Variants in MSI2 observed in about 807,000 individuals in gnomAD.
The protein encoded by MSI2 is musashi RNA binding protein 2.
A neutral mutation model predicts 45.6 loss-of-function variants in MSI2; 17 were observed. The observed-to-expected ratio is 0.37, with a 90% confidence interval of 0.26 to 0.56. MSI2 has a LOEUF of 0.56. Among genes scored for constraint, MSI2 ranks in the 20% least tolerant of loss-of-function variants. MSI2 has a pLI of 0.77. For synonymous variants in MSI2, 156 were observed against 158.2 expected (o/e 0.99, Z 0.11); for missense variants, 293 against 444.2 (o/e 0.66, Z 3.06).
chr17:57,535,845 A>G (rs369562610), intron 7 of MSI2, among the ~76,000 whole-genome samples: 16 of 152,330 alleles, frequency 1.1e-4, no homozygotes, highest in African/African-American at 3.8e-4. Context: ...AGCTGGCCAA[A>G]GTTTAAGGTC....
At chr17:57,660,552 G>A (rs1454848035) in intron 11 of MSI2, among the ~76,000 whole-genome samples, 4 of 152,210 alleles carry the variant, frequency 2.6e-5, no homozygotes, top group Non-Finnish European at 5.9e-5. Context: ...CCAACCTAGT[G>A]TGGAAACTAA....
chr17:57,589,660 C>T (rs765455979), intron 7 of MSI2, among the ~76,000 whole-genome samples: 1 of 152,242 alleles, frequency 6.6e-6, no homozygotes, highest in African/African-American at 2.4e-5. Flanking sequence ...CTCTCATGCT[C>T]TCTGAGCCAT....
intron 5 of MSI2, among the ~76,000 whole-genome samples, chr17:57,376,144 A>T (rs1487111091): frequency 1.3e-5 from 2 of 152,152 alleles, no homozygotes; most frequent in Admixed American, 1.3e-4. Flanking sequence ...TGTTTGAACA[A>T]GTGGTGGGTG....
chr17:57,424,126 C>A (rs1383021094), intron 6 of MSI2, among the ~76,000 whole-genome samples: 1 of 152,194 alleles, frequency 6.6e-6, no homozygotes, highest in Non-Finnish European at 1.5e-5. Flanking sequence ...ACCCTGAACT[C>A]TCCGAATGTT....
At position 57,660,028 on chromosome 17, in the gene MSI2, G is replaced by C. The variant is rs919428953; in HGVS notation, c.790+7867G>C. Among the ~76,000 whole-genome samples, 93 of 152,300 alleles carry C rather than the reference G, an allele frequency of 6.1e-4. 1 individual carries two copies. Among genetic ancestry groups the C allele is most frequent in the African/African-American group, 2.1e-3 (89 of 41,558 alleles). ...TCCCAACTCTGATTAAACACTATAG[G>C]TTAATGTTACAGGGAATTAAATATT... On this transcript the variant is annotated intron_variant, in intron 11 of 13. Coordinates refer to ENST00000284073, the MANE Select transcript of MSI2 (RefSeq NM_138962.4).
chr17:57,276,853 C>CTTGG, intron 5 of MSI2, among the ~76,000 whole-genome samples: 1 of 151,986 alleles, frequency 6.6e-6, no homozygotes, highest in Non-Finnish European at 1.5e-5. Context: ...CTCAAGGTTT[C>CTTGG]CTGGCTCCCA....
rs187703720 is a variant in MSI2 at position 57,683,016 on chromosome 17, C to G, written c.*3499C>G. The G allele has an allele frequency of 1.3e-5, 3 of 229,826 alleles. No homozygotes were observed. The Admixed American group carries it at 1.7e-4, about 13-fold the overall frequency. The allele number at this position is 229,826 out of a possible 1,614,324, so 14.2% of individuals were successfully genotyped here. ...CACTGGGAACAAACAGCCTCGCGCT[C>G]TATACCAAACAGCCTCGCGCTCTAT... On this transcript the variant is annotated 3_prime_UTR_variant, in exon 14 of 14. Coordinates refer to ENST00000284073, the MANE Select transcript of MSI2 (RefSeq NM_138962.4). The surrounding 1 kb of genome is among the most constrained non-coding windows in gnomAD (Gnocchi z 5.2).
At chr17:57,631,575 C>A in intron 10 of MSI2, 1 of 547,056 alleles carries the variant, frequency 1.8e-6, no homozygotes, top group East Asian at 3.0e-5. Context: ...GGGAGTAGTT[C>A]TTTTCTAGAA....
rs979655920 is a variant in MSI2, at chr17:57,267,207, G to C, written c.312+5015G>C. ...TTCTCGTTCCCAGCGAGGATGTGGT[G>C]GTGTGTCTGCAGCCCTTTTCCACAG... On this transcript the variant is annotated intron_variant, in intron 5 of 13. Coordinates refer to ENST00000284073, the MANE Select transcript of MSI2 (RefSeq NM_138962.4). 2.8e-4 allele frequency: 42 copies of C among 152,340 alleles called. 1 individual carries two copies. Among genetic ancestry groups the C allele is most frequent in the African/African-American group, 9.7e-4 (40 of 41,448 alleles). The allele number at this position is 152,340 out of a possible 1,614,324, so 9.4% of individuals were successfully genotyped here.
At chr17:57,486,767 A>G (rs2085762316) in intron 6 of MSI2, among the ~76,000 whole-genome samples, 1 of 151,902 alleles carries the variant, frequency 6.6e-6, no homozygotes, top group African/African-American at 2.4e-5. Flanking sequence ...TTTTATCTGC[A>G]CTCCTTAGAC....
At chr17:57,447,882 GA>G (rs1190841351) in intron 6 of MSI2, among the ~76,000 whole-genome samples, 1 of 152,170 alleles carries the variant, frequency 6.6e-6, no homozygotes, top group African/African-American at 2.4e-5. Flanking sequence ...AAGGAGTGGG[GA>G]TAGAGATGAG....
chr17:57,507,225 C>CTGTGTGTGTGTGTG (rs71140002), intron 6 of MSI2, among the ~76,000 whole-genome samples: 4 of 51,180 alleles, frequency 7.8e-5, no homozygotes, highest in African/African-American at 1.7e-4. Flanking sequence ...CTTTGTCTCT[C>CTGTGTGTGTGTGTG]TGTGTGTGTG....
At chr17:57,521,093 C>T (rs578118788) in intron 6 of MSI2, among the ~76,000 whole-genome samples, 8 of 152,322 alleles carry the variant, frequency 5.3e-5, no homozygotes, top group African/African-American at 1.7e-4. Flanking sequence ...GAAGGAAAAA[C>T]GTGCCTGGCA....
At chr17:57,405,605 A>T (rs1217881536) in intron 6 of MSI2, among the ~76,000 whole-genome samples, 1 of 152,254 alleles carries the variant, frequency 6.6e-6, no homozygotes, top group Non-Finnish European at 1.5e-5. Flanking sequence ...TTGGGACTTC[A>T]TGACGCAGGG....
intron 5 of MSI2, among the ~76,000 whole-genome samples, chr17:57,385,298 A>G (rs950791085): frequency 2.0e-5 from 3 of 152,136 alleles, no homozygotes; most frequent in Non-Finnish European, 2.9e-5. Context: ...ACCCTTGTTC[A>G]TGTCTCCATC....
chr17:57,465,757 T>C (rs2085318811), intron 6 of MSI2, among the ~76,000 whole-genome samples: 1 of 152,104 alleles, frequency 6.6e-6, no homozygotes, highest in Non-Finnish European at 1.5e-5. Flanking sequence ...TCCACCCACC[T>C]TGGTGGGATT....
intron 6 of MSI2, among the ~76,000 whole-genome samples, chr17:57,458,749 T>C (rs2085165858): frequency 6.6e-6 from 1 of 152,228 alleles, no homozygotes; most frequent in African/African-American, 2.4e-5. Flanking sequence ...TAATTGCTAC[T>C]GATACCATGT....
At position 57,627,279 on chromosome 17, in the gene MSI2, C is replaced by G. The variant is rs781417433; in HGVS notation, c.703C>G (p.Pro235Ala). Residue 235 changes from proline to alanine, a missense_variant, in exon 10 of 14, where the codon CCA becomes GCA. Transcript: ENST00000284073. This position sits in a 1 kb window ranked among gnomAD's most constrained non-coding sequence, Gnocchi z 4.6. ...TYGRGYPGFAPSYGYQFPGFP... is the reference protein window; with the variant it reads ...TYGRGYPGFAASYGYQFPGFP... ...TGGCCGTGGCTACCCCGGATTTGCT[C>G]CAAGCTATGGCTATCAGTTCCCAGG... 2 of 1,614,240 alleles carry G rather than the reference C, an allele frequency of 1.2e-6. No individual in the cohort carries two copies. The highest frequency in any genetic ancestry group is 2.2e-5 in the East Asian group (1 of 44,888).
intron 7 of MSI2, among the ~76,000 whole-genome samples, chr17:57,539,792 G>A (rs1049711190): frequency 1.3e-5 from 2 of 152,086 alleles, no homozygotes; most frequent in Non-Finnish European, 2.9e-5. Context: ...AGGGGAGGAG[G>A]GCCAGAACAG....
Sources: gnomAD v4.1 joint callset for allele counts (sites outside exome capture counted in the v4.1 genomes callset) on GRCh38, gnomAD v4.1.1 for gene constraint, Gnocchi (gnomAD v3.1) non-coding constraint, MANE v1.5 for transcripts, NCBI Gene and HGNC (gene_info 2026-07-23, HGNC 2026-07-21) for gene names.